IRF7: variants seen among roughly 807,000 people sequenced by gnomAD.
The protein encoded by IRF7 is interferon regulatory factor 7.
In IRF7, 67 loss-of-function variants were observed where a neutral mutation model predicts 51.3. The ratio of observed to expected loss-of-function variants is 1.31; its 90% CI spans 1.07 to 1.60. The LOEUF is 1.60. Among genes scored for constraint, IRF7 ranks in the 40% most tolerant of loss-of-function variants. The pLI, the probability that IRF7 is intolerant of heterozygous loss-of-function variation, is 0.00. For missense variants in IRF7, 873 were observed against 701.5 expected (o/e 1.24, Z -2.76); for synonymous variants, 427 against 301.3 (o/e 1.42, Z -4.32).
chr11:612,747 C>G lies in IRF7; in HGVS notation c.1410G>C (p.Val470=), dbSNP rs1159331161. 1 of 1,612,488 alleles carries G rather than the reference C, an allele frequency of 6.2e-7. No homozygotes were observed. ...VHLEGTQREG[V]SSLDSSSLSL... is the part of the protein sequence containing the mutation. ...TGAGGCTGCTGCTATCCAGGGAAGACACACCCTCACGCTGCGTGCCCTCTA... is the reference window on the plus strand; with the variant it reads ...TGAGGCTGCTGCTATCCAGGGAAGAGACACCCTCACGCTGCGTGCCCTCTA... Residue 470 remains valine (V), a synonymous_variant, in exon 11 of 11, where the codon GTG becomes GTC. Coordinates refer to ENST00000525445, the MANE Select transcript of IRF7 (RefSeq NM_001572.5).
chr11:612,803 G>A lies in IRF7; in HGVS notation c.1357-3C>T. On this transcript the variant is annotated splice_region_variant and splice_polypyrimidine_tract_variant and intron_variant, in intron 10 of 10. Coordinates refer to ENST00000525445, the MANE Select transcript of IRF7 (RefSeq NM_001572.5). ...ACTCGGCACAGCCAGGGTTCCAGCTGCCAGGAGGGATCGGGCGTCTGTCAG... is the reference window on the plus strand; with the variant it reads ...ACTCGGCACAGCCAGGGTTCCAGCTACCAGGAGGGATCGGGCGTCTGTCAG... 6.2e-7 allele frequency: 1 copy of A among 1,606,120 alleles called. No individual in the cohort carries two copies. The highest frequency in any genetic ancestry group is 8.5e-7 in the Non-Finnish European group (1 of 1,178,028).
intron 4 of IRF7, 32 bp from the exon 5 acceptor site, chr11:614,566 G>A (rs934661625): frequency 1.3e-6 from 2 of 1,548,734 alleles, no homozygotes; most frequent in Non-Finnish European, 8.7e-7. Flanking sequence ...GTTAGGCCCC[G>A]ACACCAGAGT....
In IRF7 at chr11:614,365, T is replaced by A. The variant is rs1488871360; in HGVS notation, c.488A>T (p.His163Leu). 1 of 1,609,286 alleles carries A rather than the reference T, an allele frequency of 6.2e-7. No homozygotes were observed. ...GPPGPFLAHT[H>L]AGLQAPGPLP... ...GGGGCCTGGGGCTTGGAGTCCAGCA[T>A]GTGTGTGTGCCAGGAATGGCCCTGG... The change falls in exon 6 of 11, where the codon CAT becomes CTT. Residue 163 changes from histidine to leucine, a missense_variant. His to Leu is a moderately conservative substitution (Grantham distance 99, BLOSUM62 -3). Coordinates refer to ENST00000525445, the MANE Select transcript of IRF7 (RefSeq NM_001572.5).
chr11:614,890 T>C lies in IRF7; in HGVS notation c.301A>G (p.Ser101Gly). 6.3e-7 allele frequency: 1 copy of C among 1,585,866 alleles called. No homozygotes were observed. Among genetic ancestry groups the C allele is most frequent in the Non-Finnish European group, 8.6e-7 (1 of 1,168,670 alleles). The change falls in exon 4 of 11, where the codon AGC becomes GGC. Residue 101 changes from serine to glycine, a missense_variant. Ser to Gly is a moderately conservative substitution (Grantham distance 56). Coordinates refer to ENST00000525445, the MANE Select transcript of IRF7 (RefSeq NM_001572.5). ...WKTNFRCALR[S>G]TRRFVMLRDN... ...CGCAGCATCACGAAGCGACGCGTGC[T>C]GCGCAGTGCGCAGCGGAAGTTGGTT...
rs749265925 is a variant in IRF7 at position 615,399 on chromosome 11, G to A, written c.-35C>T. 7 of 1,482,882 alleles carry A rather than the reference G, an allele frequency of 4.7e-6. No individual in the cohort carries two copies. The African/African-American group carries it at 9.8e-5, about 21-fold the overall frequency. 91.9% of individuals were successfully genotyped at this position (1,482,882 alleles called of 1,614,324 possible). A position where few individuals can be genotyped will look rare whatever the true frequency, so the allele number is the denominator to read the frequency against. ...TGCAGGGGCAGTTAGGTGGCGGTCA[G>A]GTGTTATAACAGGGGAGGTAAGGGC... On this transcript the variant is annotated 5_prime_UTR_variant, in exon 2 of 11. Coordinates refer to ENST00000525445, the MANE Select transcript of IRF7 (RefSeq NM_001572.5).
Position 615,337 on chromosome 11 carries a change from G to C in IRF7, c.20+8C>G. On this transcript the variant is annotated splice_region_variant and intron_variant, in intron 2 of 10. Transcript: ENST00000525445. ...CTGGCATCTGGAGAGGGTGGGCCGG[G>C]CTCTTACCTCTCAGGAGCCAAGGCC... The C allele has an allele frequency of 1.3e-6, 2 of 1,540,780 alleles. No individual in the cohort carries two copies. Among genetic ancestry groups the C allele is most frequent in the Non-Finnish European group, 1.7e-6 (2 of 1,148,710 alleles).
At chr11:615,058 G>C in intron 3 of IRF7, 39 bp downstream of exon 3, 1 of 1,559,982 alleles carries the variant, frequency 6.4e-7, no homozygotes, top group South Asian at 1.2e-5. Context: ...TCCTAGGCGG[G>C]CTCTCCCACC....
chr11:615,721 C>T (rs1004888989), intron 1 of IRF7, 74 bp from the exon 2 acceptor site: 1 of 332,338 alleles, frequency 3.0e-6, no homozygotes. Flanking sequence ...AGTGGCGCTT[C>T]GCACCCTCCT....
At position 614,301 on chromosome 11, in the gene IRF7, GAGC is replaced by G. The variant is rs1293582027; in HGVS notation, c.549_551del (p.Leu184del). 1 of 1,611,940 alleles carries G rather than the reference GAGC, an allele frequency of 6.2e-7. No individual in the cohort carries two copies. Among genetic ancestry groups the G allele is most frequent in the South Asian group, 1.1e-5 (1 of 90,794 alleles). On this transcript the variant is annotated inframe_deletion, in exon 6 of 11. Coordinates refer to ENST00000525445, the MANE Select transcript of IRF7 (RefSeq NM_001572.5). ...CCAGGCAGCTCTGTTGCACTGCCTG[GAGC>G]AGGAGGTCCCCCTTGTCACCAGCTG...
rs557367492 is a variant in IRF7 at position 613,769 on chromosome 11, C to T, written c.847+16G>A. On this transcript the variant is annotated intron_variant, in intron 8 of 10. Transcript: ENST00000525445. ...GGTGGGCGGGGACAGGCTGCCCCTT[C>T]CTGGGATGCACTCACCTTGCACCGC... is the stretch of plus-strand genomic sequence containing the variant. 17 of 1,532,492 alleles carry T rather than the reference C, an allele frequency of 1.1e-5. No homozygotes were observed. Among genetic ancestry groups the T allele is most frequent in the Middle Eastern group, 1.9e-4 (1 of 5,148 alleles). The allele number at this position is 1,532,492 out of a possible 1,614,324, so 94.9% of individuals were successfully genotyped here.
intron 1 of IRF7, 24 bp downstream of exon 1, chr11:615,889 G>A (rs1302389646): frequency 6.5e-6 from 1 of 154,706 alleles, no homozygotes; most frequent in Admixed American, 6.5e-5. Context: ...GGCCTGCACC[G>A]CGTGGGTCTG....
rs1564881781 is a variant in IRF7, at chr11:613,793, G to T, written c.839C>A (p.Ala280Glu). The change falls in exon 8 of 11, where the codon GCG becomes GAG. Residue 280 changes from alanine (A) to glutamate (E), a missense_variant. Coordinates refer to ENST00000525445, the MANE Select transcript of IRF7 (RefSeq NM_001572.5). ...YLSPSPSACT[A>E]VQEPSPGALD... Reference sequence around the variant, plus strand: ...TCCTGGGATGCACTCACCTTGCACCGCGGTGCAGGCGCTTGGGGAGGGTGA... The same window carrying T: ...TCCTGGGATGCACTCACCTTGCACCTCGGTGCAGGCGCTTGGGGAGGGTGA... The T allele has an allele frequency of 1.3e-6, 2 of 1,563,534 alleles. No individual in the cohort carries two copies. The highest frequency in any genetic ancestry group is 1.7e-6 in the Non-Finnish European group (2 of 1,164,196).
In IRF7 at chr11:613,274, G is replaced by A; in HGVS notation, c.1169C>T (p.Ser390Phe). ...VGGPPGSASP[S>F]TPACLLPRNC... ...CCGAGGCAGCAGGCAGGCTGGGGTGGAGGGGCTGGCGGAGCCTGGGGGTCC... is the reference window on the plus strand; with the variant it reads ...CCGAGGCAGCAGGCAGGCTGGGGTGAAGGGGCTGGCGGAGCCTGGGGGTCC... The change falls in exon 9 of 11, where the codon TCC becomes TTC. Residue 390 changes from serine to phenylalanine, a missense_variant. Transcript: ENST00000525445. 2 of 1,605,718 alleles carry A rather than the reference G, an allele frequency of 1.2e-6. No individual in the cohort carries two copies. Among genetic ancestry groups the A allele is most frequent in the South Asian group, 1.1e-5 (1 of 90,404 alleles).
At chr11:612,937 C>G (rs993689673) in intron 10 of IRF7, 62 bp downstream of exon 10, 9 of 1,588,208 alleles carry the variant, frequency 5.7e-6, no homozygotes, top group Non-Finnish European at 7.8e-6. Context: ...GCTCTGAGGG[C>G]ATCAGGCGTC....
rs764032119 is a variant in IRF7 at position 614,501 on chromosome 11, G to C, written c.428C>G (p.Ala143Gly). ...CTGTGGTGGTGGGACAGCTGCGGGGGCCTCTGCCTCAGTCTGGTCCGTGCC... is the reference window on the plus strand; with the variant it reads ...CTGTGGTGGTGGGACAGCTGCGGGGCCCTCTGCCTCAGTCTGGTCCGTGCC... ...GPGTDQTEAE[A>G]PAAVPPPQGG... Residue 143 changes from alanine to glycine, a missense_variant, in exon 5 of 11, where the codon GCC (alanine) becomes GGC (glycine). Physicochemically the swap from Ala to Gly is moderately conservative, Grantham distance 60 (BLOSUM62 0). Coordinates refer to ENST00000525445, the MANE Select transcript of IRF7 (RefSeq NM_001572.5). 4.5e-6 allele frequency: 7 copies of C among 1,560,160 alleles called. No homozygotes were observed. The South Asian group carries it at 7.1e-5, about 16-fold the overall frequency.
rs776629789 is a variant in IRF7, at chr11:613,936, C to T, written c.766+15G>A. 28 of 1,604,386 alleles carry T rather than the reference C, an allele frequency of 1.7e-5. No homozygotes were observed. The highest frequency in any genetic ancestry group is 2.7e-5 in the African/African-American group (2 of 74,466). On this transcript the variant is annotated intron_variant, in intron 7 of 10. Transcript: ENST00000525445. Reference sequence around the variant, plus strand: ...CTCCCTGTGCCCCAGGCCTCCCAACCCCTACCCCTCTCACCTGTCGTTAGT... The same window carrying T: ...CTCCCTGTGCCCCAGGCCTCCCAACTCCTACCCCTCTCACCTGTCGTTAGT...
Position 615,203 on chromosome 11 carries a change from C to T in IRF7, c.77G>A (p.Cys26Tyr). ...EWLLGEISSG[C>Y]YEGLQWLDEA... ...GTCCAGCCACTGCAGCCCCTCATAG[C>T]AGCCGCTGCTGATCTCTCCAAGGAG... The change falls in exon 3 of 11, where the codon TGC becomes TAC. Residue 26 changes from cysteine (C) to tyrosine (Y), a missense_variant. Cys to Tyr is a radical substitution (Grantham distance 194). Transcript: ENST00000525445. The T allele has an allele frequency of 6.2e-7, 1 of 1,601,006 alleles. No individual in the cohort carries two copies. Among genetic ancestry groups the T allele is most frequent in the Non-Finnish European group, 8.5e-7 (1 of 1,177,466 alleles).
chr11:614,546 T>A lies in IRF7; in HGVS notation c.395-12A>T. 2 of 1,551,548 alleles carry A rather than the reference T, an allele frequency of 1.3e-6. No homozygotes were observed. Among genetic ancestry groups the A allele is most frequent in the Non-Finnish European group, 8.7e-7 (1 of 1,147,272 alleles). On this transcript the variant is annotated splice_polypyrimidine_tract_variant and intron_variant, in intron 4 of 10. Transcript: ENST00000525445. ...CGTGCCTGGGCCTTCTGAGAGAGAA[T>A]GGGGCAGGCGTTAGGCCCCGACACC...
rs1856578689 is a variant in IRF7 at position 613,549 on chromosome 11, G to A, written c.894C>T (p.Arg298=). The part of the protein sequence containing the change: ...ALDVTIMYKG[R]TVLQKVVGHP... ...GTCCCACCACCTTCTGCAGCACCGT[G>A]CGGCCCTTGTACATGATGGTCACGT... Residue 298 remains arginine, a synonymous_variant, in exon 9 of 11, where the codon CGC becomes CGT. Coordinates refer to ENST00000525445, the MANE Select transcript of IRF7 (RefSeq NM_001572.5). 1 of 1,579,092 alleles carries A rather than the reference G, an allele frequency of 6.3e-7. No individual in the cohort carries two copies. Among genetic ancestry groups the A allele is most frequent in the African/African-American group, 1.4e-5 (1 of 73,878 alleles).
Sources: allele counts gnomAD v4.1 joint callset, GRCh38; gene constraint gnomAD v4.1.1; transcripts MANE v1.5; gene names NCBI Gene and HGNC (gene_info 2026-07-23, HGNC 2026-07-21).